The following SHC3 variants were observed in gnomAD, a reference collection of about 807,000 sequenced individuals.
SHC3 encodes SHC-transforming protein 3.
In SHC3, 15 loss-of-function variants were observed where a neutral mutation model predicts 60.4. The ratio of observed to expected loss-of-function variants is 0.25; its 90% CI spans 0.17 to 0.38. SHC3 has a LOEUF of 0.38. Among genes scored for constraint, SHC3 ranks in the 10% least tolerant of loss-of-function variants. SHC3 has a pLI of 1.00. For missense variants in SHC3, 677 were observed against 786.1 expected (o/e 0.86, Z 1.66); for synonymous variants, 294 against 325.9 (o/e 0.90, Z 1.05).
chr9:89,083,845 G>C (rs1470871279), intron 2 of SHC3, among the ~76,000 whole-genome samples: 1 of 152,112 alleles, frequency 6.6e-6, no homozygotes. Context: ...TTTGCAGTAG[G>C]GACAGAGCTG....
chr9:89,126,645 T>C (rs965787627), intron 1 of SHC3, among the ~76,000 whole-genome samples: 1 of 152,180 alleles, frequency 6.6e-6, no homozygotes, highest in African/African-American at 2.4e-5. Context: ...GGGTCCTCAC[T>C]TTCCCCACCC....
At chr9:89,063,951 T>C (rs1046720451) in intron 6 of SHC3, among the ~76,000 whole-genome samples, 4 of 152,214 alleles carry the variant, frequency 2.6e-5, no homozygotes, top group African/African-American at 7.2e-5. Flanking sequence ...AACAGACATT[T>C]GTTTCTCACA....
intron 1 of SHC3, among the ~76,000 whole-genome samples, chr9:89,155,246 C>T (rs567494843): frequency 6.6e-6 from 1 of 152,300 alleles, no homozygotes; most frequent in East Asian, 1.9e-4. Context: ...GCCTCCATTT[C>T]ACTGGACTGG....
intron 1 of SHC3, among the ~76,000 whole-genome samples, chr9:89,147,253 T>C (rs1038836964): frequency 6.6e-6 from 1 of 152,186 alleles, no homozygotes; most frequent in Non-Finnish European, 1.5e-5. Flanking sequence ...CACACTCATC[T>C]TGGTGCTGGG....
At chr9:89,089,228 T>C (rs1354814273) in intron 2 of SHC3, among the ~76,000 whole-genome samples, 1 of 152,202 alleles carries the variant, frequency 6.6e-6, no homozygotes, top group African/African-American at 2.4e-5. Flanking sequence ...TTTGTGTATT[T>C]CTATGTGCAT....
chr9:89,025,966 G>A (rs1385274943), intron 11 of SHC3, among the ~76,000 whole-genome samples: 1 of 152,128 alleles, frequency 6.6e-6, no homozygotes. Flanking sequence ...AACATTGGCT[G>A]GGCACAGTGG....
intron 3 of SHC3, among the ~76,000 whole-genome samples, chr9:89,075,510 G>T (rs750718616): frequency 6.6e-6 from 1 of 152,194 alleles, no homozygotes; most frequent in Non-Finnish European, 1.5e-5. Flanking sequence ...CTTTTCTCTG[G>T]CCCTGTTGGG....
intron 1 of SHC3, among the ~76,000 whole-genome samples, chr9:89,165,351 T>G (rs1826771451): frequency 6.6e-6 from 1 of 151,732 alleles, no homozygotes; most frequent in African/African-American, 2.4e-5. Context: ...AAGAATAAAA[T>G]TAGTAAGTGT....
At chr9:89,034,096 A>G (rs778841678) in intron 11 of SHC3, among the ~76,000 whole-genome samples, 1 of 152,258 alleles carries the variant, frequency 6.6e-6, no homozygotes, top group African/African-American at 2.4e-5. Context: ...ACAACATCAG[A>G]AAAATCTAGC....
chr9:89,142,287 C>T (rs996781564), intron 1 of SHC3, among the ~76,000 whole-genome samples: 7 of 152,052 alleles, frequency 4.6e-5, no homozygotes, highest in South Asian at 2.1e-4. Flanking sequence ...AGGCTGGGTG[C>T]GATGGCTTGC....
chr9:89,153,766 C>A (rs1342806872), intron 1 of SHC3, among the ~76,000 whole-genome samples: 1 of 152,230 alleles, frequency 6.6e-6, no homozygotes. Context: ...TATCACAGTA[C>A]TCTCTCTTGA....
At chr9:89,104,940 G>C (rs531378979) in intron 2 of SHC3, among the ~76,000 whole-genome samples, 1 of 152,314 alleles carries the variant, frequency 6.6e-6, no homozygotes, top group Admixed American at 6.5e-5. Context: ...CAGAAAGGAG[G>C]GACGTCGCCA....
At chr9:89,078,016 A>G (rs1003785047) in intron 2 of SHC3, 113 bp from the exon 3 acceptor site, 2 of 1,242,612 alleles carry the variant, frequency 1.6e-6, no homozygotes, top group Non-Finnish European at 2.3e-6. Context: ...TTCAGTATAG[A>G]AAACAGAGCT....
rs544856776 is a variant in SHC3 at position 89,144,887 on chromosome 9, C to T, written c.475-32261G>A. Among the ~76,000 whole-genome samples, 27 of 152,200 alleles carry T rather than the reference C, an allele frequency of 1.8e-4. 1 individual carries two copies. In the South Asian group the frequency reaches 3.9e-3, roughly 22 times the overall value. On this transcript the variant is annotated intron_variant, in intron 1 of 11. Coordinates refer to ENST00000375835, the MANE Select transcript of SHC3 (RefSeq NM_016848.6). Reference sequence around the variant, plus strand: ...CAGGATGTGGGGATGCCCTCTCACTCCACACCATACAGGGCTGGCGAGGAT... The same window carrying T: ...CAGGATGTGGGGATGCCCTCTCACTTCACACCATACAGGGCTGGCGAGGAT...
At chr9:89,071,877 G>C (rs1052575550) in intron 4 of SHC3, among the ~76,000 whole-genome samples, 8 of 152,292 alleles carry the variant, frequency 5.3e-5, no homozygotes, top group African/African-American at 1.9e-4. Flanking sequence ...TGCCAACGAA[G>C]GCTCTGCCCA....
At chr9:89,041,718 G>T (rs968995697) in intron 10 of SHC3, among the ~76,000 whole-genome samples, 1 of 152,108 alleles carries the variant, frequency 6.6e-6, no homozygotes. Flanking sequence ...GCACATAATA[G>T]CCAATTACTA....
chr9:89,026,310 C>G (rs1826301272), intron 11 of SHC3, among the ~76,000 whole-genome samples: 1 of 151,458 alleles, frequency 6.6e-6, no homozygotes, highest in Admixed American at 6.6e-5. Flanking sequence ...AGTCTTTTCT[C>G]TCTGAAGCCT....
intron 1 of SHC3, among the ~76,000 whole-genome samples, chr9:89,167,917 C>T (rs2118259878): frequency 6.6e-6 from 1 of 152,324 alleles, no homozygotes; most frequent in Admixed American, 6.5e-5. Flanking sequence ...GGCTACATGC[C>T]CTGCTGCTGG....
Position 89,038,212 on chromosome 9 carries a change from G to A in SHC3, c.1437C>T (p.Ser479=). ...CATCTGGGGCTCTAGGTGACACAGGGCTGATGCACTCCACGGAGGCTGCCT... is the reference window on the plus strand; with the variant it reads ...CATCTGGGGCTCTAGGTGACACAGGACTGATGCACTCCACGGAGGCTGCCT... ...LSKAASVECI[S]PVSPRAPDAK... Residue 479 remains serine (S), a synonymous_variant, in exon 11 of 12, where the codon AGC becomes AGT. Transcript: ENST00000375835. The A allele has an allele frequency of 2.5e-6, 4 of 1,614,088 alleles. No individual in the cohort carries two copies. Among genetic ancestry groups the A allele is most frequent in the Non-Finnish European group, 3.4e-6 (4 of 1,180,020 alleles).
Sources: gnomAD v4.1 joint callset for allele counts (sites outside exome capture counted in the v4.1 genomes callset) on GRCh38, gnomAD v4.1.1 for gene constraint, MANE v1.5 for transcripts, NCBI Gene and HGNC (gene_info 2026-07-23, HGNC 2026-07-21) for gene names.